AP2A1: variants seen among roughly 807,000 people sequenced by gnomAD.
AP2A1 encodes the protein adaptor related protein complex 2 subunit alpha 1.
Under a neutral mutation model 107.3 loss-of-function variants are expected in AP2A1, and 21 were observed. That is an observed-to-expected ratio of 0.20 (90% confidence interval 0.14 to 0.28). The LOEUF is 0.28. Among genes scored for constraint, AP2A1 ranks in the 10% least tolerant of loss-of-function variants. AP2A1 has a pLI of 1.00. For synonymous variants in AP2A1, 602 were observed against 564.8 expected, an observed-to-expected ratio of 1.07 and a Z score of -0.93; for missense variants, 873 against 1,307.7, an observed-to-expected ratio of 0.67 and a Z score of 5.13.
chr19:49,775,917 A>G (rs2084612725), intron 1 of AP2A1, among the ~76,000 whole-genome samples: 1 of 152,122 alleles, frequency 6.6e-6, no homozygotes, highest in African/African-American at 2.4e-5. Flanking sequence ...GTAGTAACAG[A>G]CCCACCCTGA....
intron 14 of AP2A1, 36 bp from the exon 15 acceptor site, chr19:49,801,945 G>T: frequency 6.9e-7 from 1 of 1,458,940 alleles, no homozygotes; most frequent in Non-Finnish European, 9.0e-7. Context: ...CCTGCCGGGC[G>T]CCGCCTGTCC....
rs748839990 is a variant in AP2A1 at position 49,802,123 on chromosome 19, C to T, written c.2096C>T (p.Pro699Leu). ...GCCCAGCCCAGCCTGGGGCCCACCC[C>T]CGAGGAGGCCTTCCTCAGGTAGCAC... is the stretch of plus-strand genomic sequence containing the variant. ...PAAQPSLGPT[P>L]EEAFLSPGPE... Residue 699 changes from proline (P) to leucine (L), a missense_variant, in exon 15 of 23, where the codon CCC becomes CTC. Pro to Leu is a moderately conservative substitution (Grantham distance 98). Around this residue, in one of 4 missense-constraint regions of AP2A1, gnomAD observed 416 missense variants for 473.4 expected, o/e 0.88. Transcript: ENST00000354293. The T allele has an allele frequency of 3.2e-6, 5 of 1,575,430 alleles. No homozygotes were observed. The highest frequency in any genetic ancestry group is 2.3e-5 in the East Asian group (1 of 43,614).
At position 49,805,338 on chromosome 19, in the gene AP2A1, C is replaced by T. The variant is rs2073351102; in HGVS notation, c.2345-115C>T. 14 of 1,237,454 alleles carry T rather than the reference C, an allele frequency of 1.1e-5. No homozygotes were observed. In the South Asian group the frequency reaches 1.9e-4, roughly 17 times the overall value. The allele number at this position is 1,237,454 out of a possible 1,614,324, so 76.7% of individuals were successfully genotyped here. On this transcript the variant is annotated intron_variant, in intron 18 of 22. Transcript: ENST00000354293. Reference sequence around the variant, plus strand: ...TGTAGGATTGAGTCCAGGATTGCACCATGGGGTCCCTCAAAGACCTGCAGG... The same window carrying T: ...TGTAGGATTGAGTCCAGGATTGCACTATGGGGTCCCTCAAAGACCTGCAGG...
At chr19:49,794,976 C>G (rs917991100) in intron 6 of AP2A1, among the ~76,000 whole-genome samples, 2 of 152,206 alleles carry the variant, frequency 1.3e-5, no homozygotes, top group African/African-American at 4.8e-5. Context: ...ATCTTTCAAT[C>G]TTTCACTAAT....
At chr19:49,797,576 A>G (rs2123739105) in intron 7 of AP2A1, 1 of 152,202 alleles carries the variant, frequency 6.6e-6, no homozygotes, top group South Asian at 2.1e-4. Context: ...AATACAAAAA[A>G]TTAGCCAGGT....
intron 7 of AP2A1, chr19:49,796,080 A>G (rs2073210335): frequency 3.6e-6 from 1 of 279,398 alleles, no homozygotes; most frequent in African/African-American, 2.2e-5. Context: ...AGCGTCACTC[A>G]CCCGGTCAGT....
At chr19:49,802,209 C>A in intron 15 of AP2A1, 68 bp downstream of exon 15, 1 of 1,306,514 alleles carries the variant, frequency 7.7e-7, no homozygotes, top group Non-Finnish European at 1.1e-6. Flanking sequence ...CGGCCTCTGT[C>A]CCCGTTTTCC....
intron 1 of AP2A1, among the ~76,000 whole-genome samples, chr19:49,776,966 G>A (rs1049862245): frequency 6.6e-6 from 1 of 152,112 alleles, no homozygotes; most frequent in African/African-American, 2.4e-5. Context: ...GCTCATGCCT[G>A]TAATCCTAGC....
At chr19:49,779,950 C>T (rs1469284384) in intron 1 of AP2A1, among the ~76,000 whole-genome samples, 1 of 152,198 alleles carries the variant, frequency 6.6e-6, no homozygotes, top group Non-Finnish European at 1.5e-5. Context: ...TGAAGTGAGG[C>T]TTATGGGAGC....
Position 49,807,037 on chromosome 19 carries a change from C to CCCGG in AP2A1, c.*279_*280insCCGG. 2 of 1,529,416 alleles carry CCCGG rather than the reference C, an allele frequency of 1.3e-6. No individual in the cohort carries two copies. The highest frequency in any genetic ancestry group is 1.8e-6 in the Non-Finnish European group (2 of 1,140,340). The allele number at this position is 1,529,416 out of a possible 1,614,324, so 94.7% of individuals were successfully genotyped here. A position where few individuals can be genotyped will look rare whatever the true frequency, so the allele number is the denominator to read the frequency against. On this transcript the variant is annotated 3_prime_UTR_variant, in exon 23 of 23. Coordinates refer to ENST00000354293, the MANE Select transcript of AP2A1 (RefSeq NM_130787.3). Reference sequence around the variant, plus strand: ...ATGTCTCCTCCCCTCCCACCCCACCCTGTTGTAGCCCCTCCTACCCCCTCC... The same window carrying CCCGG: ...ATGTCTCCTCCCCTCCCACCCCACCCCCGGTGTTGTAGCCCCTCCTACCCCCTCC...
intron 4 of AP2A1, 29 bp downstream of exon 4, chr19:49,782,753 G>GA: frequency 6.5e-7 from 1 of 1,541,530 alleles, no homozygotes; most frequent in Non-Finnish European, 8.7e-7. Flanking sequence ...GTTGGCAGTG[G>GA]GGGGCCTGGG....
chr19:49,795,766 C>T (rs775887495), intron 7 of AP2A1, 28 bp downstream of exon 7: 13 of 1,482,916 alleles, frequency 8.8e-6, no homozygotes, highest in South Asian at 4.8e-5. Flanking sequence ...CTCCCCAACC[C>T]GGGGTGGCCT....
intron 6 of AP2A1, among the ~76,000 whole-genome samples, chr19:49,793,453 C>G (rs1197477487): frequency 2.0e-5 from 3 of 152,168 alleles, no homozygotes; most frequent in Non-Finnish European, 4.4e-5. Flanking sequence ...CTCCCACTTT[C>G]CCTCTTCTGG....
Position 49,782,519 on chromosome 19 carries a change from C to T in AP2A1, c.280-12C>T, listed in dbSNP as rs1600222840. ...CAAGGCTCCTAGCCATCCACGACCT[C>T]CCTCCCCACAGGGTTACCTGTTCAT... On this transcript the variant is annotated splice_polypyrimidine_tract_variant and intron_variant, in intron 3 of 22. Transcript: ENST00000354293. The T allele has an allele frequency of 1.2e-6, 2 of 1,611,776 alleles. No homozygotes were observed. Among genetic ancestry groups the T allele is most frequent in the Non-Finnish European group, 8.5e-7 (1 of 1,178,590 alleles).
intron 12 of AP2A1, 81 bp from the exon 13 acceptor site, chr19:49,801,309 C>A (rs1400968795): frequency 3.4e-5 from 49 of 1,422,450 alleles, no homozygotes; most frequent in Non-Finnish European, 4.7e-5. Context: ...CGGGTCCATC[C>A]TAGGGAGGGG....
intron 1 of AP2A1, among the ~76,000 whole-genome samples, chr19:49,771,944 T>A (rs972123890): frequency 4.6e-5 from 7 of 152,086 alleles, no homozygotes; most frequent in Non-Finnish European, 8.8e-5. Flanking sequence ...AGGTCCTGAC[T>A]TCCGGACGCC....
chr19:49,779,998 C>T (rs1600220321), intron 1 of AP2A1, among the ~76,000 whole-genome samples: 1 of 152,320 alleles, frequency 6.6e-6, no homozygotes, highest in East Asian at 1.9e-4. Context: ...GACAGGATTT[C>T]TAGAGAGAAG....
rs2073258979 is a variant in AP2A1 at position 49,800,079 on chromosome 19, T to C, written c.1384T>C (p.Trp462Arg). The C allele has an allele frequency of 1.2e-6, 2 of 1,613,880 alleles. No homozygotes were observed. The highest frequency in any genetic ancestry group is 1.7e-5 in the Admixed American group (1 of 59,998). The change falls in exon 11 of 23, where the codon TGG becomes CGG. Residue 462 changes from tryptophan to arginine, a missense_variant. Coordinates refer to ENST00000354293, the MANE Select transcript of AP2A1 (RefSeq NM_130787.3). ...GGGCGACTACGTGAGTGAGGAGGTG[T>C]GGTACCGTGTGCTACAGATCGTCAC... is the stretch of plus-strand genomic sequence containing the variant. The part of the protein sequence containing the change: ...IAGDYVSEEV[W>R]YRVLQIVTNR...
chr19:49,802,648 T>A, intron 15 of AP2A1: 1 of 1,480,274 alleles, frequency 6.8e-7, no homozygotes, highest in African/African-American at 1.4e-5. Context: ...CGGACTCGGG[T>A]GTCCCCAGGG....
Sources: gnomAD v4.1 joint callset for allele counts (sites outside exome capture counted in the v4.1 genomes callset) on GRCh38, gnomAD v4.1.1 for gene constraint, gnomAD v4.1.1 regional missense constraint, MANE v1.5 for transcripts, NCBI Gene and HGNC (gene_info 2026-07-23, HGNC 2026-07-21) for gene names.